FBXL17: variants seen among roughly 807,000 people sequenced by gnomAD.
FBXL17 encodes the protein F-box and leucine rich repeat protein 17, also known as F-box/LRR-repeat protein 17.
In FBXL17, 22 loss-of-function variants were observed where a neutral mutation model predicts 66.2. The ratio of observed to expected loss-of-function variants is 0.33; its 90% CI spans 0.24 to 0.47. The LOEUF is 0.47. Among genes scored for constraint, FBXL17 ranks in the 20% least tolerant of loss-of-function variants. FBXL17 has a pLI of 1.00. For missense variants in FBXL17, 878 were observed against 948.2 expected (o/e 0.93, Z 0.97); for synonymous variants, 474 against 400.5 (o/e 1.18, Z -2.19).
chr5:108,172,618 T>G (rs1752649055), intron 6 of FBXL17, among the ~76,000 whole-genome samples: 1 of 152,212 alleles, frequency 6.6e-6, no homozygotes, highest in Admixed American at 6.5e-5. Context: ...ATTACTCTGC[T>G]GCTTCAGTCA....
At chr5:108,287,439 A>C (rs1757942792) in intron 4 of FBXL17, among the ~76,000 whole-genome samples, 1 of 152,102 alleles carries the variant, frequency 6.6e-6, no homozygotes. Context: ...AAACAATCCC[A>C]TTAAAAAGTG....
chr5:108,049,774 T>A (rs1044202478), intron 6 of FBXL17, among the ~76,000 whole-genome samples: 1 of 152,298 alleles, frequency 6.6e-6, no homozygotes, highest in South Asian at 2.1e-4. Flanking sequence ...AATGCTCCAA[T>A]TAAAAGACAC....
At chr5:107,928,965 T>G (rs1750629659) in intron 7 of FBXL17, among the ~76,000 whole-genome samples, 1 of 152,158 alleles carries the variant, frequency 6.6e-6, no homozygotes, top group South Asian at 2.1e-4. Context: ...GAAAACAATC[T>G]TCTTGTGCAG....
chr5:108,056,463 A>G (rs912601925), intron 6 of FBXL17, among the ~76,000 whole-genome samples: 1 of 152,254 alleles, frequency 6.6e-6, no homozygotes, highest in Non-Finnish European at 1.5e-5. Context: ...TGCAAAATAG[A>G]AAACCCTAAT....
intron 7 of FBXL17, among the ~76,000 whole-genome samples, chr5:107,992,794 CTGAT>C (rs1159916367): frequency 2.6e-5 from 4 of 152,292 alleles, no homozygotes; most frequent in East Asian, 3.9e-4. Flanking sequence ...GATACACTGA[CTGAT>C]TGTTTTACAG....
intron 5 of FBXL17, among the ~76,000 whole-genome samples, chr5:108,218,475 TA>T (rs1754707782): frequency 6.6e-6 from 1 of 152,224 alleles, no homozygotes; most frequent in Admixed American, 6.5e-5. Context: ...ATGGCAGTTT[TA>T]TTTTTAATTT....
intron 3 of FBXL17, among the ~76,000 whole-genome samples, chr5:108,348,760 A>G (rs1344357211): frequency 6.6e-6 from 1 of 152,166 alleles, no homozygotes; most frequent in Non-Finnish European, 1.5e-5. Flanking sequence ...AAGCCCTCCA[A>G]GGTATGTATA....
chr5:108,350,538 T>G (rs1430480064), intron 3 of FBXL17, among the ~76,000 whole-genome samples: 1 of 152,120 alleles, frequency 6.6e-6, no homozygotes, highest in East Asian at 1.9e-4. Flanking sequence ...AATAGACACA[T>G]GGCAATGCAA....
At chr5:108,305,279 TCA>T (rs1245673157) in intron 4 of FBXL17, among the ~76,000 whole-genome samples, 1 of 143,764 alleles carries the variant, frequency 7.0e-6, no homozygotes, top group Non-Finnish European at 1.5e-5. Flanking sequence ...CACATGGTTC[TCA>T]CAGACACATT....
chr5:108,209,327 C>A (rs374959313), intron 5 of FBXL17, among the ~76,000 whole-genome samples: 2 of 152,128 alleles, frequency 1.3e-5, no homozygotes, highest in East Asian at 3.9e-4. Flanking sequence ...ATTGTCCTGG[C>A]CAGAACTTCC....
intron 3 of FBXL17, among the ~76,000 whole-genome samples, chr5:108,357,505 C>T (rs1050229603): frequency 6.6e-6 from 1 of 151,996 alleles, no homozygotes; most frequent in Admixed American, 6.6e-5. Context: ...CATCTAGAGA[C>T]CACTTCATCC....
chr5:108,037,007 T>A (rs2112795474), intron 6 of FBXL17, among the ~76,000 whole-genome samples: 1 of 152,140 alleles, frequency 6.6e-6, no homozygotes, highest in African/African-American at 2.4e-5. Flanking sequence ...ACAAAGGGAA[T>A]TAAAAGGAGA....
intron 7 of FBXL17, among the ~76,000 whole-genome samples, chr5:107,973,627 A>C (rs1034059678): frequency 6.6e-6 from 1 of 152,072 alleles, no homozygotes; most frequent in African/African-American, 2.4e-5. Flanking sequence ...ATAATTTATT[A>C]AGATCATTTT....
At chr5:108,082,165 T>C (rs1043326399) in intron 6 of FBXL17, among the ~76,000 whole-genome samples, 1 of 151,600 alleles carries the variant, frequency 6.6e-6, no homozygotes, top group African/African-American at 2.4e-5. Context: ...CATACGAGGA[T>C]ACATGAAAAA....
At chr5:108,342,098 A>G (rs1746921649) in intron 4 of FBXL17, among the ~76,000 whole-genome samples, 1 of 152,186 alleles carries the variant, frequency 6.6e-6, no homozygotes, top group Non-Finnish European at 1.5e-5. Flanking sequence ...TAACTGTTCA[A>G]ATGTTAATGG....
At chr5:107,949,917 A>T (rs1038220167) in intron 7 of FBXL17, among the ~76,000 whole-genome samples, 1 of 152,152 alleles carries the variant, frequency 6.6e-6, no homozygotes, top group Non-Finnish European at 1.5e-5. Context: ...TACGTTCTAC[A>T]TGACTTCTAA....
chr5:108,153,569 G>C (rs1440488694), intron 6 of FBXL17, among the ~76,000 whole-genome samples: 2 of 152,126 alleles, frequency 1.3e-5, no homozygotes, highest in Non-Finnish European at 2.9e-5. Flanking sequence ...TTTTATTGTA[G>C]AGACCAGCCT....
At chr5:108,051,658 A>C (rs1054512707) in intron 6 of FBXL17, among the ~76,000 whole-genome samples, 1 of 152,302 alleles carries the variant, frequency 6.6e-6, no homozygotes, top group Admixed American at 6.5e-5. Context: ...AAAAGCTGGA[A>C]GCATTCCCTT....
chr5:108,077,830 A>G (rs1332766969), intron 6 of FBXL17, among the ~76,000 whole-genome samples: 1 of 152,170 alleles, frequency 6.6e-6, no homozygotes, highest in African/African-American at 2.4e-5. Context: ...CATTTCTTCT[A>G]ACTTAGAATC....
Sources: allele counts gnomAD v4.1 joint callset (sites outside exome capture counted in the v4.1 genomes callset), GRCh38; gene constraint gnomAD v4.1.1; transcripts MANE v1.5; gene names NCBI Gene and HGNC (gene_info 2026-07-23, HGNC 2026-07-21).